The following RIN3 variants were observed in gnomAD, a reference collection of about 807,000 sequenced individuals.
RIN3 encodes Ras and Rab interactor 3.
A neutral mutation model predicts 76.3 loss-of-function variants in RIN3; 54 were observed. The observed-to-expected ratio is 0.71, with a 90% CI of 0.57 to 0.89. RIN3 has a LOEUF of 0.89. Among genes scored for constraint, RIN3 ranks in the 40% least tolerant of loss-of-function variants. RIN3 has a pLI of 0.00. For missense variants in RIN3, 1,256 were observed against 1,322.1 expected (o/e 0.95, Z 0.78); for synonymous variants, 576 against 564.0 (o/e 1.02, Z -0.30).
At chr14:92,649,892 A>C (rs1013249499) in intron 5 of RIN3, among the ~76,000 whole-genome samples, 8 of 152,116 alleles carry the variant, frequency 5.3e-5, no homozygotes, top group Non-Finnish European at 1.2e-4. Flanking sequence ...TGCACCTCAG[A>C]GGGGTGCACA....
rs535700399 is a variant in RIN3 at position 92,662,948 on chromosome 14, C to G, written c.2335+3479C>G. Among the ~76,000 whole-genome samples, 4 of 152,052 alleles carry G rather than the reference C, an allele frequency of 2.6e-5. No individual in the cohort carries two copies. The East Asian group carries it at 7.7e-4, about 29-fold the overall frequency. ...ACCTCAGCCTCCTGAGTAGCTGGGA[C>G]TACAGGTATGTGCCACCACACCCAG... On this transcript the variant is annotated intron_variant, in intron 7 of 9. Coordinates refer to ENST00000216487, the MANE Select transcript of RIN3 (RefSeq NM_024832.5).
chr14:92,614,510 A>G (rs1234775919), intron 3 of RIN3, among the ~76,000 whole-genome samples: 1 of 152,198 alleles, frequency 6.6e-6, no homozygotes, highest in South Asian at 2.1e-4. Flanking sequence ...TAATAGTGAT[A>G]TGGTTTGGCT....
intron 8 of RIN3, among the ~76,000 whole-genome samples, chr14:92,680,025 A>G (rs2140173654): frequency 6.6e-6 from 1 of 152,108 alleles, no homozygotes; most frequent in South Asian, 2.1e-4. Flanking sequence ...AATACCATAA[A>G]CTGGATAACT....
intron 2 of RIN3, among the ~76,000 whole-genome samples, chr14:92,565,029 CT>C (rs1897880227): frequency 6.6e-6 from 1 of 152,212 alleles, no homozygotes; most frequent in African/African-American, 2.4e-5. Flanking sequence ...AGGCAGCCCC[CT>C]GTGAGTGTCC....
chr14:92,633,331 G>A (rs977148376), intron 4 of RIN3, among the ~76,000 whole-genome samples: 5 of 152,140 alleles, frequency 3.3e-5, no homozygotes, highest in African/African-American at 7.2e-5. Context: ...CTCAAGAAGT[G>A]GGCACCATTA....
intron 3 of RIN3, among the ~76,000 whole-genome samples, chr14:92,614,887 C>T (rs1326417085): frequency 2.0e-5 from 3 of 147,816 alleles, no homozygotes; most frequent in African/African-American, 5.0e-5. Flanking sequence ...CTCTGTTGCC[C>T]AGGCGAAATG....
rs1201434479 is a variant in RIN3 at position 92,648,974 on chromosome 14, C to T, written c.533-2608C>T. On this transcript the variant is annotated intron_variant, in intron 5 of 9. Coordinates refer to ENST00000216487, the MANE Select transcript of RIN3 (RefSeq NM_024832.5). The surrounding 1 kb of genome is among the most constrained non-coding windows in gnomAD (Gnocchi z 4.1). ...CCTGCTGGTGGGGCAGCGCATGGCA[C>T]GTGGAGGAAGGAGTGAACGGCAGAT... is the stretch of plus-strand genomic sequence containing the variant. 3.9e-5 allele frequency among the ~76,000 whole-genome samples: 6 copies of T among 152,056 alleles called. No individual in the cohort carries two copies. Among genetic ancestry groups the T allele is most frequent in the Non-Finnish European group, 7.3e-5 (5 of 68,030 alleles).
intron 3 of RIN3, among the ~76,000 whole-genome samples, chr14:92,601,832 A>C (rs1885356815): frequency 6.6e-6 from 1 of 152,058 alleles, no homozygotes; most frequent in South Asian, 2.1e-4. Flanking sequence ...CAATTTGCAA[A>C]TCTGTCCAAT....
chr14:92,528,831 C>T lies in RIN3; in HGVS notation c.44+14855C>T, dbSNP rs536055865. ...TGTGCATGACATGATGGGGAGAGGC[C>T]TCAGTGAGCGGTTCGCGGGACACAC... On this transcript the variant is annotated intron_variant, in intron 1 of 9. Coordinates refer to ENST00000216487, the MANE Select transcript of RIN3 (RefSeq NM_024832.5). Among the ~76,000 whole-genome samples the T allele has an allele frequency of 2.0e-5, 3 of 152,252 alleles. No individual in the cohort carries two copies. In the South Asian group the frequency reaches 6.2e-4, roughly 32 times the overall value.
chr14:92,556,348 AT>A (rs1897581059), intron 2 of RIN3, among the ~76,000 whole-genome samples: 1 of 151,874 alleles, frequency 6.6e-6, no homozygotes, highest in Non-Finnish European at 1.5e-5. Flanking sequence ...TAAAAAAAAA[AT>A]GGCTTTATGC....
At chr14:92,613,538 A>T (rs1046110970) in intron 3 of RIN3, among the ~76,000 whole-genome samples, 2 of 152,252 alleles carry the variant, frequency 1.3e-5, no homozygotes, top group Non-Finnish European at 2.9e-5. Context: ...AATGAAGCTA[A>T]TTGAACACAA....
chr14:92,577,516 G>GGCAGCA lies in RIN3; in HGVS notation c.367+50_367+55dup, dbSNP rs148870263. On this transcript the variant is annotated intron_variant, in intron 3 of 9. Transcript: ENST00000216487. ...TTCTCTGTTTTCACTTTGACCACGC[G>GGCAGCA]GCAGCAGCAGCAGCAGAGAGGCTGC... The GGCAGCA allele has an allele frequency of 9.9e-6, 13 of 1,310,964 alleles. No individual in the cohort carries two copies. In the African/African-American group the frequency reaches 1.6e-4, roughly 16 times the overall value. The allele number at this position is 1,310,964 out of a possible 1,614,324, so 81.2% of individuals were successfully genotyped here.
chr14:92,526,528 A>G (rs1442479995), intron 1 of RIN3, among the ~76,000 whole-genome samples: 1 of 151,724 alleles, frequency 6.6e-6, no homozygotes, highest in East Asian at 1.9e-4. Context: ...GCCAAGACGG[A>G]TGGATCTTGA....
intron 1 of RIN3, among the ~76,000 whole-genome samples, chr14:92,540,348 C>T (rs532832312): frequency 6.6e-6 from 1 of 152,306 alleles, no homozygotes; most frequent in Admixed American, 6.5e-5. Context: ...TCCCCACCTC[C>T]TAATGGAAGG....
In RIN3 at chr14:92,672,659, C is replaced by CAT. The variant is rs758429755; in HGVS notation, c.2336-3815_2336-3814dup. On this transcript the variant is annotated intron_variant, in intron 7 of 9. Transcript: ENST00000216487. ...GATAAATTATATATATATGTGTGTG[C>CAT]ATGTGTGTGTGTGTGTGTGTGTGTG... Among the ~76,000 whole-genome samples the CAT allele has an allele frequency of 5.4e-3, 568 of 104,754 alleles. 5 individuals are homozygous for CAT. The highest frequency in any genetic ancestry group is 0.016 in the South Asian group (53 of 3,304). 68.7% of individuals were successfully genotyped at this position (104,754 alleles called of 152,430 possible).
intron 1 of RIN3, among the ~76,000 whole-genome samples, chr14:92,550,767 A>G (rs1897401717): frequency 1.3e-5 from 2 of 152,220 alleles, no homozygotes; most frequent in Admixed American, 1.3e-4. Flanking sequence ...AGAGAGGTAA[A>G]GTATTAATAA....
At chr14:92,572,123 G>C (rs1389663123) in intron 2 of RIN3, among the ~76,000 whole-genome samples, 3 of 152,234 alleles carry the variant, frequency 2.0e-5, no homozygotes, top group African/African-American at 7.2e-5. Flanking sequence ...CTTTGACTTA[G>C]GGTTTTCTGT....
chr14:92,597,902 T>A (rs1480848993), intron 3 of RIN3, among the ~76,000 whole-genome samples: 2 of 152,208 alleles, frequency 1.3e-5, no homozygotes, highest in African/African-American at 2.4e-5. Flanking sequence ...AGCAGTCACT[T>A]GTTAAGCATT....
intron 3 of RIN3, among the ~76,000 whole-genome samples, chr14:92,608,208 T>C (rs1885598288): frequency 6.6e-6 from 1 of 152,198 alleles, no homozygotes; most frequent in African/African-American, 2.4e-5. Flanking sequence ...GGGATTGCAT[T>C]GAGGTCAATT....
Sources: allele counts gnomAD v4.1 joint callset (sites outside exome capture counted in the v4.1 genomes callset), GRCh38; gene constraint gnomAD v4.1.1; non-coding constraint Gnocchi (gnomAD v3.1); transcripts MANE v1.5; gene names NCBI Gene and HGNC (gene_info 2026-07-23, HGNC 2026-07-21).